CCDC66: variants seen among roughly 807,000 people sequenced by gnomAD.
CCDC66 encodes coiled-coil domain containing 66, also known as coiled-coil domain-containing protein 66.
CCDC66 carries 133 observed loss-of-function variants against 128.3 expected under a neutral mutation model. The observed-to-expected ratio is 1.04, with a 90% CI of 0.90 to 1.20. The LOEUF is 1.20. Ranked by LOEUF, CCDC66 falls within the 50% of genes most tolerant of loss-of-function variation. The pLI is 0.00. For missense variants in CCDC66, 1,126 were observed against 1,075.5 expected, an observed-to-expected ratio of 1.05 and a Z score of -0.66; for synonymous variants, 387 against 357.0, an observed-to-expected ratio of 1.08 and a Z score of -0.95.
chr3:56,588,601 A>G (rs1410986237), intron 7 of CCDC66, among the ~76,000 whole-genome samples: 1 of 152,188 alleles, frequency 6.6e-6, no homozygotes, highest in Admixed American at 6.5e-5. Context: ...ATGTTAAACT[A>G]TGAGAAACCA....
chr3:56,564,399 T>C (rs2065517313), intron 4 of CCDC66, among the ~76,000 whole-genome samples: 1 of 152,204 alleles, frequency 6.6e-6, no homozygotes, highest in Non-Finnish European at 1.5e-5. Context: ...ATTATACTTA[T>C]TTTAGAATAT....
At chr3:56,600,149 CTTTT>C (rs33981043) in intron 10 of CCDC66, among the ~76,000 whole-genome samples, 5 of 115,004 alleles carry the variant, frequency 4.3e-5, no homozygotes, top group Admixed American at 1.8e-4. Flanking sequence ...GTGCACTTAT[CTTTT>C]TTTTTTTTTT....
chr3:56,619,836 C>G lies in CCDC66; in HGVS notation c.2695C>G (p.Pro899Ala). ...CTGTGTCAGGGATCCACTTCTTAAT[C>G]CTAACATGGTGAAAAATAGGGATCG... ...SDCVRDPLLN[P>A]NMVKNRDRQQ... Residue 899 changes from proline to alanine, a missense_variant, in exon 17 of 18, where the codon CCT becomes GCT. Pro to Ala is a conservative substitution (Grantham distance 27). Coordinates refer to ENST00000394672, the MANE Select transcript of CCDC66 (RefSeq NM_001141947.3). The G allele has an allele frequency of 6.2e-7, 1 of 1,614,076 alleles. No individual in the cohort carries two copies. The highest frequency in any genetic ancestry group is 1.7e-4 in the Middle Eastern group (1 of 6,060).
chr3:56,598,072 G>A (rs2107061403), intron 10 of CCDC66, among the ~76,000 whole-genome samples: 1 of 152,058 alleles, frequency 6.6e-6, no homozygotes, highest in South Asian at 2.1e-4. Context: ...CACTGTGCCA[G>A]TGGAGTCTAG....
intron 15 of CCDC66, chr3:56,619,009 A>C: frequency 3.1e-6 from 1 of 319,748 alleles, no homozygotes; most frequent in Non-Finnish European, 5.7e-6. Flanking sequence ...ACCTGAGGTC[A>C]GGAGTTCAAG....
Position 56,568,445 on chromosome 3 carries a change from A to G in CCDC66, c.814+1392A>G, listed in dbSNP as rs755885773. On this transcript the variant is annotated intron_variant, in intron 6 of 17. Coordinates refer to ENST00000394672, the MANE Select transcript of CCDC66 (RefSeq NM_001141947.3). ...ATATTATCAAAAGTCGTATTTTATA[A>G]TATTTGACATCTAGAGTAGTTCTCT... is the stretch of plus-strand genomic sequence containing the variant. Among the ~76,000 whole-genome samples the G allele has an allele frequency of 3.2e-4, 49 of 152,286 alleles. 1 individual carries two copies. Among genetic ancestry groups the G allele is most frequent in the Middle Eastern group, 3.4e-3 (1 of 294 alleles).
chr3:56,621,648 T>G lies in CCDC66; in HGVS notation c.*30T>G, dbSNP rs1397148412. ...AGAAAATCAAATCCTTCACATTTGA[T>G]TTGTGTCTTCCAAATTATAAAATGT... On this transcript the variant is annotated 3_prime_UTR_variant, in exon 18 of 18. Coordinates refer to ENST00000394672, the MANE Select transcript of CCDC66 (RefSeq NM_001141947.3). The G allele has an allele frequency of 1.4e-6, 2 of 1,463,628 alleles. No homozygotes were observed. Among genetic ancestry groups the G allele is most frequent in the East Asian group, 4.6e-5 (2 of 43,924 alleles). 90.7% of individuals were successfully genotyped at this position (1,463,628 alleles called of 1,614,324 possible).
At chr3:56,566,869 A>C (rs1577284067) in intron 5 of CCDC66, 81 bp from the exon 6 acceptor site, 1 of 1,477,940 alleles carries the variant, frequency 6.8e-7, no homozygotes, top group East Asian at 2.3e-5. Context: ...GCTATTTAAA[A>C]GCTTATTACT....
chr3:56,599,440 A>T (rs961172429), intron 10 of CCDC66, among the ~76,000 whole-genome samples: 12 of 151,814 alleles, frequency 7.9e-5, no homozygotes, highest in African/African-American at 2.9e-4. Context: ...CTTTCCACTA[A>T]TTTGGGGTTT....
At chr3:56,589,588 A>G (rs1380475523) in intron 7 of CCDC66, among the ~76,000 whole-genome samples, 1 of 152,166 alleles carries the variant, frequency 6.6e-6, no homozygotes, top group Non-Finnish European at 1.5e-5. Flanking sequence ...ATAATAGGTA[A>G]ATTTAATAAA....
intron 10 of CCDC66, 87 bp downstream of exon 10, chr3:56,594,115 G>A: frequency 8.1e-7 from 1 of 1,236,680 alleles, no homozygotes; most frequent in South Asian, 1.2e-5. Flanking sequence ...TTTAAATTCT[G>A]ATGTAAACTT....
intron 10 of CCDC66, among the ~76,000 whole-genome samples, chr3:56,609,469 T>TA (rs907606872): frequency 1.3e-5 from 2 of 152,162 alleles, no homozygotes; most frequent in African/African-American, 4.8e-5. Flanking sequence ...CACATAAACT[T>TA]AAAGTTTAGG....
intron 10 of CCDC66, among the ~76,000 whole-genome samples, chr3:56,597,367 AT>A (rs1244385229): frequency 2.0e-5 from 3 of 151,894 alleles, no homozygotes; most frequent in Non-Finnish European, 2.9e-5. Context: ...ATCCACCTTG[AT>A]TTGGTTATTA....
At chr3:56,558,967 A>G in intron 2 of CCDC66, 57 bp downstream of exon 2, 2 of 1,233,594 alleles carry the variant, frequency 1.6e-6, no homozygotes, top group Admixed American at 2.4e-5. Context: ...CATAAAATTT[A>G]TATTAGTTCA....
At chr3:56,572,971 A>G (rs2066844810) in intron 7 of CCDC66, 1 of 152,352 alleles carries the variant, frequency 6.6e-6, no homozygotes, top group South Asian at 2.1e-4. Context: ...TAGAAGTTGT[A>G]TGCAGACACC....
chr3:56,597,782 T>TTTTTTTTGTTTTTTTTTTTTTTG (rs2072342884), intron 10 of CCDC66, among the ~76,000 whole-genome samples: 1 of 122,460 alleles, frequency 8.2e-6, no homozygotes, highest in African/African-American at 2.9e-5. Flanking sequence ...TTGGGGTTTT[T>TTTTTTTTGTTTTTTTTTTTTTTG]TTTTTTTTTT....
chr3:56,587,817 C>T (rs9881961), intron 7 of CCDC66, among the ~76,000 whole-genome samples: 48,243 of 151,978 alleles, frequency 0.32, 8,088 homozygotes, highest in East Asian at 0.49. Flanking sequence ...TGCAGTGAGC[C>T]GAGATCGCAC....
chr3:56,604,156 G>A (rs898668008), intron 10 of CCDC66, among the ~76,000 whole-genome samples: 4 of 151,782 alleles, frequency 2.6e-5, no homozygotes, highest in Admixed American at 6.6e-5. Context: ...CCTTTATTTT[G>A]AGCCTATGTG....
rs2073512472 is a variant in CCDC66, at chr3:56,603,203, TCTG to T, written c.1404+9176_1404+9178del. On this transcript the variant is annotated intron_variant, in intron 10 of 17. Coordinates refer to ENST00000394672, the MANE Select transcript of CCDC66 (RefSeq NM_001141947.3). The stretch of plus-strand genomic sequence containing the variant: ...TTCTTCTTATTAGTCTGGCTAGTGG[TCTG>T]TCTATTTTGTTGATCTTTTCAAAAA... Among the ~76,000 whole-genome samples, 4 of 142,006 alleles carry T rather than the reference TCTG, an allele frequency of 2.8e-5. 1 individual carries two copies. The highest frequency in any genetic ancestry group is 1.0e-4 in the African/African-American group (4 of 39,288). 93.2% of individuals were successfully genotyped at this position (142,006 alleles called of 152,430 possible). A position where few individuals can be genotyped will look rare whatever the true frequency, so the allele number is the denominator to read the frequency against.
Sources: gnomAD v4.1 joint callset for allele counts (sites outside exome capture counted in the v4.1 genomes callset) on GRCh38, gnomAD v4.1.1 for gene constraint, MANE v1.5 for transcripts, NCBI Gene and HGNC (gene_info 2026-07-23, HGNC 2026-07-21) for gene names.